DNAJB1: variants seen among roughly 807,000 people sequenced by gnomAD.
The protein encoded by DNAJB1 is dnaJ homolog subfamily B member 1.
DNAJB1 carries 14 observed loss-of-function variants against 24.0 expected under a neutral mutation model. The ratio of observed to expected loss-of-function variants is 0.58; its 90% confidence interval spans 0.39 to 0.91. The LOEUF is 0.91. Ranked by LOEUF, DNAJB1 falls within the 40% of genes least tolerant of loss-of-function variation. The pLI, the probability that DNAJB1 is intolerant of heterozygous loss-of-function variation, is 0.00. For synonymous variants in DNAJB1, 262 were observed against 174.4 expected, an observed-to-expected ratio of 1.50 and a Z score of -3.96; for missense variants, 517 against 458.1, an observed-to-expected ratio of 1.13 and a Z score of -1.17.
upstream of DNAJB1, among the ~76,000 whole-genome samples, chr19:14,551,945 C>CT (rs1491144182): frequency 3.7e-5 from 2 of 53,710 alleles, no homozygotes; most frequent in African/African-American, 9.2e-5. Flanking sequence ...CTCCCTCCCT[C>CT]CCTCTCTCTC....
upstream of DNAJB1, among the ~76,000 whole-genome samples, chr19:14,521,036 G>A (rs886248542): frequency 6.6e-6 from 1 of 152,076 alleles, no homozygotes; most frequent in Non-Finnish European, 1.5e-5. Flanking sequence ...GCATTATGGG[G>A]AAAAACTCAG....
intron 1 of DNAJB1, among the ~76,000 whole-genome samples, chr19:14,540,026 C>G (rs2073042553): frequency 6.6e-6 from 1 of 151,578 alleles, no homozygotes; most frequent in Non-Finnish European, 1.5e-5. Context: ...ATTACAGGTA[C>G]CCGCCACCAT....
At position 14,515,872 on chromosome 19, in the gene DNAJB1, G is replaced by A; in HGVS notation, c.*68C>T. 2 of 1,489,786 alleles carry A rather than the reference G, an allele frequency of 1.3e-6. No homozygotes were observed. The highest frequency in any genetic ancestry group is 1.8e-6 in the Non-Finnish European group (2 of 1,085,782). 92.3% of individuals were successfully genotyped at this position (1,489,786 alleles called of 1,614,324 possible). A position where few individuals can be genotyped will look rare whatever the true frequency, so the allele number is the denominator to read the frequency against. ...TCCCACCCTCTCATGGTCCACAACTGGTAGAAAGGTCCAGAAATCCTTGAG... is the reference window on the plus strand; with the variant it reads ...TCCCACCCTCTCATGGTCCACAACTAGTAGAAAGGTCCAGAAATCCTTGAG... On this transcript the variant is annotated 3_prime_UTR_variant, in exon 3 of 3. Transcript: ENST00000254322.
intron 1 of DNAJB1, among the ~76,000 whole-genome samples, chr19:14,549,424 GCTAGTCTTGAACTC>G (rs889914774): frequency 2.6e-5 from 4 of 152,022 alleles, no homozygotes; most frequent in African/African-American, 7.2e-5. Flanking sequence ...TATTGGCCAG[GCTAGTCTTGAACTC>G]CTAGTCTTGA....
At chr19:14,541,409 G>C (rs962889763) in intron 1 of DNAJB1, among the ~76,000 whole-genome samples, 2 of 152,222 alleles carry the variant, frequency 1.3e-5, no homozygotes, top group African/African-American at 4.8e-5. Flanking sequence ...GACAACACTG[G>C]GCACTCACCG....
Position 14,515,931 on chromosome 19 carries a change from C to G in DNAJB1, c.*9G>C. 6.2e-7 allele frequency: 1 copy of G among 1,605,318 alleles called. No individual in the cohort carries two copies. Among genetic ancestry groups the G allele is most frequent in the Non-Finnish European group, 8.5e-7 (1 of 1,177,882 alleles). On this transcript the variant is annotated 3_prime_UTR_variant, in exon 3 of 3. Coordinates refer to ENST00000254322, the MANE Select transcript of DNAJB1 (RefSeq NM_006145.3). ...AGGTCCCTGGTCAGTCCTTGGGGAGCTCAGATAGCTATATTGGAAGAACCT... is the reference window on the plus strand; with the variant it reads ...AGGTCCCTGGTCAGTCCTTGGGGAGGTCAGATAGCTATATTGGAAGAACCT...
At chr19:14,559,416 C>G (rs2073839361) in intron 1 of DNAJB1, among the ~76,000 whole-genome samples, 2 of 152,096 alleles carry the variant, frequency 1.3e-5, no homozygotes, top group Admixed American at 1.3e-4. Context: ...GATATGGGAC[C>G]TTTGTGTCTG....
At chr19:14,543,149 C>T (rs918491486) in intron 1 of DNAJB1, among the ~76,000 whole-genome samples, 8 of 150,918 alleles carry the variant, frequency 5.3e-5, no homozygotes, top group Non-Finnish European at 7.4e-5. Context: ...GCTGAAGTCA[C>T]GGAGCTGAGC....
intron 1 of DNAJB1, among the ~76,000 whole-genome samples, chr19:14,544,607 C>T (rs1298431460): frequency 1.3e-5 from 2 of 148,700 alleles, no homozygotes; most frequent in African/African-American, 4.9e-5. Flanking sequence ...CCGGGCTCAT[C>T]TTTTGCTGCT....
upstream of DNAJB1, among the ~76,000 whole-genome samples, chr19:14,560,330 C>T (rs1162012424): frequency 6.6e-6 from 1 of 152,198 alleles, no homozygotes; most frequent in Admixed American, 6.5e-5. Context: ...GAGGCCTTCT[C>T]TCCCTGTGGA....
intron 1 of DNAJB1, among the ~76,000 whole-genome samples, chr19:14,559,069 C>T (rs1033529408): frequency 6.6e-6 from 1 of 152,144 alleles, no homozygotes; most frequent in African/African-American, 2.4e-5. Flanking sequence ...TCACATTAGG[C>T]CCTCCCTCTG....
In DNAJB1 at chr19:14,516,213, GA is replaced by G. The variant is rs765033102; in HGVS notation, c.793-44del. On this transcript the variant is annotated intron_variant, in intron 2 of 2. Coordinates refer to ENST00000254322, the MANE Select transcript of DNAJB1 (RefSeq NM_006145.3). ...CAGCATTAGATGGAAGCTGGCTCAAGAGGCTCAGCTCTTGCCCAGAGGCCGT... is the reference window on the plus strand; with the variant it reads ...CAGCATTAGATGGAAGCTGGCTCAAGGGCTCAGCTCTTGCCCAGAGGCCGT... 8.7e-6 allele frequency: 14 copies of G among 1,606,946 alleles called. No homozygotes were observed. The South Asian group carries it at 1.3e-4, about 15-fold the overall frequency.
In DNAJB1 at chr19:14,516,114, G is replaced by A. The variant is rs375886516; in HGVS notation, c.849C>T (p.Val283=). The change falls in exon 3 of 3, where the codon GTC becomes GTT. Residue 283 remains valine (V), a synonymous_variant. Coordinates refer to ENST00000254322, the MANE Select transcript of DNAJB1 (RefSeq NM_006145.3). ...CAGGCCTGATAACATCTTTGAATAC[G>A]ACGGGTATCGTCCTGCCGTCCAGAG... The part of the protein sequence containing the change: ...VPTLDGRTIP[V]VFKDVIRPGM... 7.4e-6 allele frequency: 12 copies of A among 1,613,598 alleles called. No individual in the cohort carries two copies. The highest frequency in any genetic ancestry group is 1.6e-4 in the Middle Eastern group (1 of 6,080).
upstream of DNAJB1, among the ~76,000 whole-genome samples, chr19:14,552,998 G>A (rs796815330): frequency 6.6e-6 from 1 of 152,072 alleles, no homozygotes; most frequent in African/African-American, 2.4e-5. Context: ...GGGCACAACC[G>A]CAGGGATGGG....
intron 2 of DNAJB1, among the ~76,000 whole-genome samples, chr19:14,526,880 C>A (rs754008198): frequency 2.0e-5 from 3 of 152,220 alleles, no homozygotes; most frequent in Middle Eastern, 3.4e-3. Flanking sequence ...CAATCAAGTA[C>A]CTCAGGTAAC....
At chr19:14,533,596 G>A (rs1025289368), upstream of DNAJB1, among the ~76,000 whole-genome samples, 1 of 152,108 alleles carries the variant, frequency 6.6e-6, no homozygotes, top group Non-Finnish European at 1.5e-5. Flanking sequence ...TGACTGTCAC[G>A]CAACAAATTA....
At chr19:14,522,898 C>T (rs1473260690), upstream of DNAJB1, among the ~76,000 whole-genome samples, 1 of 152,092 alleles carries the variant, frequency 6.6e-6, no homozygotes, top group East Asian at 1.9e-4. Flanking sequence ...AGCATTAGGT[C>T]TGTCCTCCAT....
chr19:14,548,685 C>G (rs902261277), intron 1 of DNAJB1, among the ~76,000 whole-genome samples: 1 of 152,140 alleles, frequency 6.6e-6, no homozygotes, highest in Non-Finnish European at 1.5e-5. Context: ...TCAAGCAATT[C>G]TCCTGTCTCA....
At chr19:14,558,813 TCCTC>T (rs1276217393) in intron 1 of DNAJB1, among the ~76,000 whole-genome samples, 2 of 152,046 alleles carry the variant, frequency 1.3e-5, no homozygotes, top group African/African-American at 4.8e-5. Context: ...GTCCTGTCTG[TCCTC>T]CCTGCCTCAC....
Sources: allele counts gnomAD v4.1 joint callset (sites outside exome capture counted in the v4.1 genomes callset), GRCh38; gene constraint gnomAD v4.1.1; transcripts MANE v1.5; gene names NCBI Gene and HGNC (gene_info 2026-07-23, HGNC 2026-07-21).